The following ANKRD11 variants were observed in gnomAD, a reference collection of about 807,000 sequenced individuals.
The protein encoded by ANKRD11 is ankyrin repeat domain 11, also known as ankyrin repeat domain-containing protein 11.
In ANKRD11, 17 loss-of-function variants were observed where a neutral mutation model predicts 195.7. That is an observed-to-expected ratio of 0.09 (90% CI 0.06 to 0.13). ANKRD11 has a LOEUF of 0.13. Ranked by LOEUF, ANKRD11 falls within the 10% of genes least tolerant of loss-of-function variation. The pLI, the probability that ANKRD11 is intolerant of heterozygous loss-of-function variation, is 1.00. For missense variants in ANKRD11, 3,735 were observed against 3,566.1 expected (o/e 1.05, Z -1.21); for synonymous variants, 1,953 against 1,528.1 (o/e 1.28, Z -6.49).
At chr16:89,447,697 A>G (rs906110442) in intron 1 of ANKRD11, among the ~76,000 whole-genome samples, 1 of 152,212 alleles carries the variant, frequency 6.6e-6, no homozygotes, top group African/African-American at 2.4e-5. Flanking sequence ...TCGGCCTCCC[A>G]AAGTGCTGGG....
At chr16:89,483,242 A>G (rs1199355930) in intron 1 of ANKRD11, among the ~76,000 whole-genome samples, 7 of 152,334 alleles carry the variant, frequency 4.6e-5, no homozygotes, top group Non-Finnish European at 4.4e-5. Flanking sequence ...TCAACTCTCT[A>G]AAACTTCACC....
chr16:89,411,756 T>C (rs934902647), intron 2 of ANKRD11, among the ~76,000 whole-genome samples: 4 of 152,176 alleles, frequency 2.6e-5, no homozygotes, highest in African/African-American at 9.7e-5. Flanking sequence ...AAATCATTTT[T>C]CCCAATGGAC....
chr16:89,418,721 G>A (rs963030467), intron 1 of ANKRD11, among the ~76,000 whole-genome samples: 2 of 151,312 alleles, frequency 1.3e-5, no homozygotes, highest in African/African-American at 4.9e-5. Flanking sequence ...GGGCAATCTC[G>A]CCACAGAAAC....
At chr16:89,313,534 C>G in intron 3 of ANKRD11, 1 of 1,289,208 alleles carries the variant, frequency 7.8e-7, no homozygotes, top group Non-Finnish European at 1.0e-6. Flanking sequence ...GAGTTGTGGG[C>G]TCCATTTCCA....
At chr16:89,317,690 G>A (rs994218199) in intron 2 of ANKRD11, among the ~76,000 whole-genome samples, 58 of 152,270 alleles carry the variant, frequency 3.8e-4, no homozygotes, top group African/African-American at 1.4e-3. Context: ...ACGCCCCCTC[G>A]GGCCTCAGGC....
At chr16:89,486,865 C>A (rs1329074891) in intron 1 of ANKRD11, among the ~76,000 whole-genome samples, 3 of 151,844 alleles carry the variant, frequency 2.0e-5, no homozygotes, top group African/African-American at 7.3e-5. Context: ...AAAAATTAGC[C>A]GTGTTTGGTA....
At chr16:89,277,893 G>A (rs779058186) in intron 9 of ANKRD11, 35 of 156,646 alleles carry the variant, frequency 2.2e-4, no homozygotes, top group Non-Finnish European at 4.0e-4. Flanking sequence ...GCTGAGCCAG[G>A]TCAGGGCCAG....
chr16:89,386,768 G>A (rs765998774), intron 2 of ANKRD11, among the ~76,000 whole-genome samples: 1 of 152,184 alleles, frequency 6.6e-6, no homozygotes, highest in Non-Finnish European at 1.5e-5. Flanking sequence ...AAATAGCACT[G>A]TAGAATCCTT....
At chr16:89,340,347 G>A (rs1011920007) in intron 2 of ANKRD11, among the ~76,000 whole-genome samples, 21 of 152,170 alleles carry the variant, frequency 1.4e-4, no homozygotes, top group Non-Finnish European at 2.8e-4. Context: ...GCACCATCTC[G>A]GCTCACTGCA....
chr16:89,454,279 G>A (rs1299672470), intron 1 of ANKRD11, among the ~76,000 whole-genome samples: 1 of 152,028 alleles, frequency 6.6e-6, no homozygotes, highest in Non-Finnish European at 1.5e-5. Flanking sequence ...AGGCTTGCCT[G>A]GGACACAGGG....
intron 2 of ANKRD11, among the ~76,000 whole-genome samples, chr16:89,383,708 C>G (rs1012415467): frequency 1.3e-5 from 2 of 152,138 alleles, no homozygotes; most frequent in Admixed American, 6.5e-5. Flanking sequence ...GCCCTCGGAC[C>G]AGCAACGCAG....
chr16:89,414,231 C>A (rs1389659631), intron 2 of ANKRD11, among the ~76,000 whole-genome samples: 1 of 152,240 alleles, frequency 6.6e-6, no homozygotes, highest in African/African-American at 2.4e-5. Flanking sequence ...AGCCTCTTTT[C>A]ATATGAACAA....
At chr16:89,349,891 CACACACACACACACACACACAT>C (rs976031276) in intron 2 of ANKRD11, among the ~76,000 whole-genome samples, 7 of 137,618 alleles carry the variant, frequency 5.1e-5, no homozygotes, top group South Asian at 4.6e-4. Context: ...CACACACACA[CACACACACACACACACACACAT>C]ATTCAAACAA....
Position 89,435,698 on chromosome 16 carries a change from C to T in ANKRD11, c.-144-17330G>A, listed in dbSNP as rs1002449292. Among the ~76,000 whole-genome samples the T allele has an allele frequency of 9.9e-5, 15 of 152,070 alleles. No homozygotes were observed. In the South Asian group the frequency reaches 1.0e-3, roughly 11 times the overall value. ...GGAACCAATTCCAGACACATTCACACGCAGACGTACTTTCGTTCTGTCCTG... is the reference window on the plus strand; with the variant it reads ...GGAACCAATTCCAGACACATTCACATGCAGACGTACTTTCGTTCTGTCCTG... On this transcript the variant is annotated intron_variant, in intron 1 of 12. Transcript: ENST00000301030.
At chr16:89,489,225 ACGCG>A (rs35997704) in intron 1 of ANKRD11, 73,736 of 148,794 alleles carry the variant, frequency 0.5, 18,948 homozygotes, top group East Asian at 0.66. Context: ...ACACACACAC[ACGCG>A]CGCGCGCGCG....
intron 1 of ANKRD11, among the ~76,000 whole-genome samples, chr16:89,425,318 C>G (rs544369161): frequency 6.6e-6 from 1 of 152,260 alleles, no homozygotes; most frequent in East Asian, 1.9e-4. Flanking sequence ...AGTGCCCACA[C>G]TCTTCACCAC....
In ANKRD11 at chr16:89,286,930, C is replaced by T. The variant is rs577868377; in HGVS notation, c.745-744G>A. 8.0e-5 allele frequency: 103 copies of T among 1,289,622 alleles called. 1 individual carries two copies. In the East Asian group the frequency reaches 2.7e-3, roughly 33 times the overall value. The allele number at this position is 1,289,622 out of a possible 1,614,324, so 79.9% of individuals were successfully genotyped here. ...AATCTGTCATAACGTTTACTATAGA[C>T]TCTTGTCGCCCACAGAATCAGTTTC... On this transcript the variant is annotated intron_variant, in intron 7 of 12. Transcript: ENST00000301030.
At chr16:89,398,093 C>T (rs1815161308) in intron 2 of ANKRD11, among the ~76,000 whole-genome samples, 1 of 151,432 alleles carries the variant, frequency 6.6e-6, no homozygotes, top group African/African-American at 2.5e-5. Context: ...TGAAGATTAC[C>T]TGTAACCTCA....
Position 89,298,627 on chromosome 16 carries a change from G to A in ANKRD11, c.226+6579C>T, listed in dbSNP as rs149104433. On this transcript the variant is annotated intron_variant, in intron 4 of 12. Coordinates refer to ENST00000301030, the MANE Select transcript of ANKRD11 (RefSeq NM_013275.6). Reference sequence around the variant, plus strand: ...GTCCTCCATCAAATCGCTGAGCCTCGGGTGGTCTTGTGGACCCCAGCTTGT... The same window carrying A: ...GTCCTCCATCAAATCGCTGAGCCTCAGGTGGTCTTGTGGACCCCAGCTTGT... Among the ~76,000 whole-genome samples, 793 of 152,224 alleles carry A rather than the reference G, an allele frequency of 5.2e-3. 6 individuals are homozygous for A. Among genetic ancestry groups the A allele is most frequent in the Non-Finnish European group, 8.0e-3 (545 of 67,996 alleles).
Sources: gnomAD v4.1 joint callset for allele counts (sites outside exome capture counted in the v4.1 genomes callset) on GRCh38, gnomAD v4.1.1 for gene constraint, MANE v1.5 for transcripts, NCBI Gene and HGNC (gene_info 2026-07-23, HGNC 2026-07-21) for gene names.